The following STK40 variants were observed in gnomAD, a reference collection of about 807,000 sequenced individuals.
STK40 encodes serine/threonine-protein kinase 40.
Under a neutral mutation model 47.9 loss-of-function variants are expected in STK40, and 13 were observed. The ratio of observed to expected loss-of-function variants is 0.27; its 90% CI spans 0.18 to 0.43. The LOEUF (loss-of-function observed/expected upper bound fraction) is 0.43. Among genes scored for constraint, STK40 ranks in the 20% least tolerant of loss-of-function variants. The probability of loss-of-function intolerance (pLI) is 1.00; values close to 1 mark genes in which losing one functional copy is unlikely to be tolerated. For missense variants in STK40, 460 were observed against 595.1 expected (o/e 0.77, Z 2.36); for synonymous variants, 225 against 243.2 (o/e 0.93, Z 0.69).
intron 4 of STK40, among the ~76,000 whole-genome samples, chr1:36,355,642 G>A (rs988343137): frequency 2.0e-5 from 3 of 152,180 alleles, no homozygotes; most frequent in Non-Finnish European, 4.4e-5. Context: ...CCAAATGCCA[G>A]GACCAGCAAG....
intron 1 of STK40, among the ~76,000 whole-genome samples, chr1:36,365,738 T>TG (rs1269262759): frequency 6.6e-6 from 1 of 152,188 alleles, no homozygotes; most frequent in Non-Finnish European, 1.5e-5. Flanking sequence ...TCATGACCAG[T>TG]GGGTCCCAGT....
rs146793629 is a variant in STK40 at position 36,374,874 on chromosome 1, G to A, written c.-9+10849C>T. Among the ~76,000 whole-genome samples, 19 of 152,292 alleles carry A rather than the reference G, an allele frequency of 1.2e-4. No homozygotes were observed. In the East Asian group the frequency reaches 2.9e-3, roughly 23 times the overall value. On this transcript the variant is annotated intron_variant, in intron 1 of 10. Transcript: ENST00000373132. ...TTGCAACAAGGGAGGTCCTGGCATG[G>A]GCATGTGACTAAGAGTCCCTTCAGC...
intron 1 of STK40, among the ~76,000 whole-genome samples, chr1:36,370,288 C>T (rs1258012877): frequency 6.6e-6 from 1 of 152,242 alleles, no homozygotes; most frequent in Non-Finnish European, 1.5e-5. Context: ...TCCCCCAAAT[C>T]CAGCCAAACG....
chr1:36,367,943 G>A, intron 1 of STK40: 1 of 967,924 alleles, frequency 1.0e-6, no homozygotes, highest in Non-Finnish European at 1.2e-6. Flanking sequence ...GTGAAGTGTG[G>A]GTGGTGGGGA....
intron 5 of STK40, 118 bp downstream of exon 5, chr1:36,355,088 G>T: frequency 9.6e-7 from 1 of 1,046,766 alleles, no homozygotes; most frequent in Non-Finnish European, 1.4e-6. Flanking sequence ...TCTTCTTTTG[G>T]ACACTCCCAG....
intron 1 of STK40, among the ~76,000 whole-genome samples, chr1:36,368,757 G>A (rs988133366): frequency 1.3e-5 from 2 of 152,194 alleles, no homozygotes; most frequent in African/African-American, 2.4e-5. Flanking sequence ...GAGAAAAAAG[G>A]TATAAAAGAC....
intron 1 of STK40, among the ~76,000 whole-genome samples, chr1:36,378,994 C>T (rs1347706984): frequency 3.3e-5 from 5 of 152,298 alleles, no homozygotes; most frequent in South Asian, 2.1e-4. Context: ...GGCGCTGAAC[C>T]GAGCTTCTCC....
At chr1:36,383,120 G>C (rs549730824) in intron 1 of STK40, among the ~76,000 whole-genome samples, 2 of 152,240 alleles carry the variant, frequency 1.3e-5, no homozygotes, top group South Asian at 4.1e-4. Context: ...GGCTAATTTT[G>C]TATTTTTAGT....
At chr1:36,343,291 C>T (rs1216580300) in intron 10 of STK40, 73 bp downstream of exon 10, 2 of 1,511,768 alleles carry the variant, frequency 1.3e-6, no homozygotes, top group Non-Finnish European at 1.8e-6. Flanking sequence ...GCCACCTCTG[C>T]CCTTGCCCTG....
chr1:36,383,798 C>A (rs1334300987), intron 1 of STK40, among the ~76,000 whole-genome samples: 2 of 152,126 alleles, frequency 1.3e-5, no homozygotes, highest in African/African-American at 4.8e-5. Flanking sequence ...TCTGAGATTT[C>A]TGGAATAAAC....
In STK40 at chr1:36,354,355, G is replaced by C. The variant is rs1646784006; in HGVS notation, c.623+9C>G. ...GGTAACTGTATGGATGTAGAGACAG[G>C]GATCTTACCTCTTGTTGAGCACCAT... is the stretch of plus-strand genomic sequence containing the variant. On this transcript the variant is annotated intron_variant, in intron 6 of 10. Coordinates refer to ENST00000373132, the MANE Select transcript of STK40 (RefSeq NM_001282547.2). 1.2e-6 allele frequency: 2 copies of C among 1,613,910 alleles called. No homozygotes were observed. Among genetic ancestry groups the C allele is most frequent in the Admixed American group, 3.3e-5 (2 of 60,002 alleles).
At chr1:36,371,471 G>C (rs1482554913) in intron 1 of STK40, among the ~76,000 whole-genome samples, 1 of 150,788 alleles carries the variant, frequency 6.6e-6, no homozygotes, top group South Asian at 2.1e-4. Context: ...GGAGAATGGC[G>C]TGAACCCAGG....
chr1:36,374,742 G>C (rs1326932125), intron 1 of STK40, among the ~76,000 whole-genome samples: 1 of 152,192 alleles, frequency 6.6e-6, no homozygotes, highest in African/African-American at 2.4e-5. Context: ...TGGCCCCTTG[G>C]CTCTTCAGGG....
chr1:36,345,989 ATAT>A (rs1367252825), intron 7 of STK40, among the ~76,000 whole-genome samples: 7 of 19,584 alleles, frequency 3.6e-4, no homozygotes, highest in African/African-American at 1.2e-3. Flanking sequence ...ATATATATAT[ATAT>A]TTTTTTTTTT....
intron 4 of STK40, 109 bp from the exon 5 acceptor site, chr1:36,355,542 G>A (rs963463240): frequency 1.1e-5 from 13 of 1,200,830 alleles, no homozygotes; most frequent in Non-Finnish European, 1.6e-5. Context: ...GAGGGAGCCT[G>A]GAATTAGCCT....
In STK40 at chr1:36,358,826, C is replaced by T. The variant is rs368597188; in HGVS notation, c.113-4G>A. 53 of 1,614,134 alleles carry T rather than the reference C, an allele frequency of 3.3e-5. No individual in the cohort carries two copies. Among genetic ancestry groups the T allele is most frequent in the East Asian group, 2.0e-4 (9 of 44,876 alleles). Reference sequence around the variant, plus strand: ...GGTGAGTTGCCCAGACGGGGACCTACGGCACAGAGAGCTGCTGGTCTACTT... The same window carrying T: ...GGTGAGTTGCCCAGACGGGGACCTATGGCACAGAGAGCTGCTGGTCTACTT... On this transcript the variant is annotated splice_polypyrimidine_tract_variant and splice_region_variant and intron_variant, in intron 2 of 10. Transcript: ENST00000373132.
chr1:36,341,819 T>C lies in STK40; in HGVS notation c.1244A>G (p.His415Arg). Residue 415 changes from histidine to arginine, a missense_variant, in exon 11 of 11, where the codon CAC becomes CGC. By Grantham distance (29) the His-to-Arg change is conservative (BLOSUM62 0). Coordinates refer to ENST00000373132, the MANE Select transcript of STK40 (RefSeq NM_001282547.2). ...CAAGGAGGTCATGGGCTGTGCGTCGTGGCCCAGCCGTCGCACCGGTGGTGC... is the reference window on the plus strand; with the variant it reads ...CAAGGAGGTCATGGGCTGTGCGTCGCGGCCCAGCCGTCGCACCGGTGGTGC... Reference protein sequence around the residue: ...GSAPPVRRLGHDAQPMTSLDT... With the variant: ...GSAPPVRRLGRDAQPMTSLDT... 6.2e-7 allele frequency: 1 copy of C among 1,613,404 alleles called. No individual in the cohort carries two copies. Among genetic ancestry groups the C allele is most frequent in the South Asian group, 1.1e-5 (1 of 91,028 alleles).
chr1:36,364,462 T>C (rs1646884147), intron 1 of STK40, among the ~76,000 whole-genome samples: 1 of 152,220 alleles, frequency 6.6e-6, no homozygotes, highest in Non-Finnish European at 1.5e-5. Context: ...AAATCCGTAA[T>C]TCTTTCATTA....
intron 4 of STK40, among the ~76,000 whole-genome samples, chr1:36,357,680 A>C (rs1035661579): frequency 2.5e-4 from 38 of 152,184 alleles, no homozygotes; most frequent in African/African-American, 9.2e-4. Context: ...TCAGTGGCAC[A>C]ATCTTGGCTC....
Sources: allele counts gnomAD v4.1 joint callset (sites outside exome capture counted in the v4.1 genomes callset), GRCh38; gene constraint gnomAD v4.1.1; transcripts MANE v1.5; gene names NCBI Gene and HGNC (gene_info 2026-07-23, HGNC 2026-07-21).